Variants in PBRM1 observed in about 807,000 individuals in gnomAD.
PBRM1 encodes protein polybromo-1.
A neutral mutation model predicts 194.5 loss-of-function variants in PBRM1; 27 were observed. The ratio of observed to expected loss-of-function variants is 0.14; its 90% CI spans 0.10 to 0.19. The LOEUF (loss-of-function observed/expected upper bound fraction) is 0.19. PBRM1 is among the 10% of genes least tolerant of loss of function. The pLI, the probability that PBRM1 is intolerant of heterozygous loss-of-function variation, is 1.00. For synonymous variants in PBRM1, 655 were observed against 693.2 expected (o/e 0.94, Z 0.87); for missense variants, 1,466 against 2,077.2 (o/e 0.71, Z 5.72).
exon 20 of PBRM1, chr3:52,586,471 T>C (rs529483378): frequency 6.2e-7 from 1 of 1,614,064 alleles, no homozygotes; most frequent in African/African-American, 1.3e-5. Flanking sequence ...CTCTGAGTTG[T>C]CTGTATTCTT....
intron 23 of PBRM1, 145 bp downstream of exon 25, chr3:52,563,900 CCTTTA>C (rs1267359470): frequency 1.7e-6 from 1 of 602,334 alleles, no homozygotes; most frequent in Non-Finnish European, 2.8e-6. Context: ...TGAAGTCTTT[CCTTTA>C]ATCTTTAAGT....
At chr3:52,552,176 C>G (rs2081136867) in intron 27 of PBRM1, among the ~76,000 whole-genome samples, 1 of 152,178 alleles carries the variant, frequency 6.6e-6, no homozygotes, top group Non-Finnish European at 1.5e-5. Context: ...CCTCTGTGCC[C>G]ATCACCTCCC....
intron 6 of PBRM1, among the ~76,000 whole-genome samples, 198 bp from the exon 8 acceptor site, chr3:52,648,640 A>G (rs578013085): frequency 6.6e-6 from 1 of 152,338 alleles, no homozygotes; most frequent in Admixed American, 6.5e-5. Context: ...AGTTTTTGAG[A>G]TAGGTAACAA....
At chr3:52,649,851 G>C (rs2096440060) in intron 6 of PBRM1, among the ~76,000 whole-genome samples, 1 of 152,152 alleles carries the variant, frequency 6.6e-6, no homozygotes, top group East Asian at 1.9e-4. Context: ...CTTGAATCGG[G>C]TGATGGCAAA....
rs377625179 is a variant in PBRM1, at chr3:52,651,724, T to G, written c.714+18A>C. The G allele has an allele frequency of 6.8e-7, 1 of 1,468,548 alleles. No individual in the cohort carries two copies. The highest frequency in any genetic ancestry group is 9.4e-7 in the Non-Finnish European group (1 of 1,061,898). The allele number at this position is 1,468,548 out of a possible 1,614,324, so 91.0% of individuals were successfully genotyped here. A position where few individuals can be genotyped will look rare whatever the true frequency, so the allele number is the denominator to read the frequency against. ...TCTGCTCTAAACCACAATCATTTAC[T>G]TATGGTCATCTTCATACCTGTATCC... On this transcript the variant is annotated intron_variant, in intron 6 of 29. Transcript: ENST00000296302.
intron 20 of PBRM1, among the ~76,000 whole-genome samples, chr3:52,579,922 C>A (rs2090662506): frequency 6.6e-6 from 1 of 152,182 alleles, no homozygotes; most frequent in South Asian, 2.1e-4. Flanking sequence ...ATTTACTGGG[C>A]TCCCTTAATG....
chr3:52,584,451 T>C lies in PBRM1; in HGVS notation c.3387+1974A>G, dbSNP rs538077147. ...ATTATCTGCAGAAAAGTATTCTTGCTTTTTTTTTTTTTTTTTTTTTTTTTG... is the reference window on the plus strand; with the variant it reads ...ATTATCTGCAGAAAAGTATTCTTGCCTTTTTTTTTTTTTTTTTTTTTTTTG... On this transcript the variant is annotated intron_variant, in intron 20 of 29. Coordinates refer to ENST00000296302, the Ensembl canonical transcript of PBRM1. Among the ~76,000 whole-genome samples, 12 of 59,952 alleles carry C rather than the reference T, an allele frequency of 2.0e-4. No individual in the cohort carries two copies. In the East Asian group the frequency reaches 4.7e-3, roughly 23 times the overall value. 39.3% of individuals were successfully genotyped at this position (59,952 alleles called of 152,430 possible).
At chr3:52,589,436 AAAACTAT>A (rs1290919185) in intron 17 of PBRM1, among the ~76,000 whole-genome samples, 181 bp from the exon 20 acceptor site, 1 of 152,244 alleles carries the variant, frequency 6.6e-6, no homozygotes, top group Non-Finnish European at 1.5e-5. Flanking sequence ...GCCTCTACTC[AAAACTAT>A]CTTTGAATTA....
chr3:52,608,837 G>T (rs1292304802), intron 16 of PBRM1, among the ~76,000 whole-genome samples: 1 of 151,150 alleles, frequency 6.6e-6, no homozygotes, highest in African/African-American at 2.4e-5. Context: ...CTCTTAAGGT[G>T]AGAAACCTGA....
chr3:52,577,389 C>A (rs961066833), intron 21 of PBRM1, among the ~76,000 whole-genome samples: 2 of 144,116 alleles, frequency 1.4e-5, no homozygotes, highest in Non-Finnish European at 3.0e-5. Context: ...CAAGATCATG[C>A]CACTGCATTC....
intron 4 of PBRM1, among the ~76,000 whole-genome samples, chr3:52,660,228 T>A (rs143845810): frequency 6.6e-6 from 1 of 152,178 alleles, no homozygotes; most frequent in Non-Finnish European, 1.5e-5. Context: ...ACTAGAGCCC[T>A]GAAGGCCTAC....
upstream of PBRM1, chr3:52,679,756 A>G: frequency 6.3e-7 from 1 of 1,582,316 alleles, no homozygotes; most frequent in East Asian, 2.3e-5. Flanking sequence ...ATGTTCTTAC[A>G]TTTAAATAGA....
intron 17 of PBRM1, among the ~76,000 whole-genome samples, chr3:52,601,695 A>G (rs2094004750): frequency 2.0e-5 from 3 of 152,178 alleles, no homozygotes; most frequent in South Asian, 2.1e-4. Flanking sequence ...GTATACTGGC[A>G]CTGGTGTTAG....
At chr3:52,616,378 TACA>T (rs2094952483) in intron 14 of PBRM1, among the ~76,000 whole-genome samples, 1 of 152,140 alleles carries the variant, frequency 6.6e-6, no homozygotes, top group Non-Finnish European at 1.5e-5. Context: ...GTATCTCAGT[TACA>T]ACGATAAAGA....
intron 17 of PBRM1, among the ~76,000 whole-genome samples, chr3:52,593,888 G>A (rs1007272548): frequency 1.3e-5 from 2 of 152,170 alleles, no homozygotes; most frequent in Admixed American, 6.5e-5. Context: ...GTAATGAGAA[G>A]AATGCATATT....
chr3:52,548,767 TA>T (rs2153331664), intron 29 of PBRM1, among the ~76,000 whole-genome samples: 1 of 152,220 alleles, frequency 6.6e-6, no homozygotes, highest in African/African-American at 2.4e-5. Context: ...ATTTAATAAT[TA>T]CTTCAATGTT....
At chr3:52,572,703 A>G (rs1205542002) in intron 22 of PBRM1, among the ~76,000 whole-genome samples, 1 of 152,200 alleles carries the variant, frequency 6.6e-6, no homozygotes, top group Non-Finnish European at 1.5e-5. Flanking sequence ...AATGAAAACA[A>G]TTCTTCAACG....
At chr3:52,682,106 T>C (rs561499942), upstream of PBRM1, 1 of 152,202 alleles carries the variant, frequency 6.6e-6, no homozygotes, top group South Asian at 2.1e-4. Flanking sequence ...GGAATGACTG[T>C]CAATTCCAGG....
At chr3:52,613,743 A>C (rs1172549284) in intron 15 of PBRM1, among the ~76,000 whole-genome samples, 2 of 151,976 alleles carry the variant, frequency 1.3e-5, no homozygotes, top group Non-Finnish European at 2.9e-5. Flanking sequence ...TAATCCCAAC[A>C]CTTTAGAAGG....
Sources: allele counts gnomAD v4.1 joint callset (sites outside exome capture counted in the v4.1 genomes callset), GRCh38; gene constraint gnomAD v4.1.1; transcripts MANE v1.5; gene names NCBI Gene and HGNC (gene_info 2026-07-23, HGNC 2026-07-21).